The following MRPL45 variants were observed in gnomAD, a reference collection of about 807,000 sequenced individuals.
MRPL45 encodes mitochondrial ribosomal protein L45.
A neutral mutation model predicts 38.1 loss-of-function variants in MRPL45; 20 were observed. That is an observed-to-expected ratio of 0.53 (90% CI 0.37 to 0.76). The LOEUF (loss-of-function observed/expected upper bound fraction) is 0.76. MRPL45 is among the 30% of genes least tolerant of loss of function. The pLI is 0.00. For synonymous variants in MRPL45, 105 were observed against 128.8 expected, an observed-to-expected ratio of 0.82 and a Z score of 1.25; for missense variants, 337 against 395.6, an observed-to-expected ratio of 0.85 and a Z score of 1.26.
intron 5 of MRPL45, 87 bp downstream of exon 5, chr17:38,318,822 CTTTTCTTTTTTT>C (rs1274453656): frequency 0.029 from 15,835 of 554,652 alleles, no homozygotes; most frequent in South Asian, 0.039. Context: ...CTTTTCTTTT[CTTTTCTTTTTTT>C]TTTTTTTTTT....
intron 3 of MRPL45, among the ~76,000 whole-genome samples, chr17:38,303,290 A>ATTTTTTT (rs776250748): frequency 3.9e-5 from 4 of 103,430 alleles, no homozygotes; most frequent in African/African-American, 8.3e-5. Context: ...AAAACATTAA[A>ATTTTTTT]TTTTTTTTTT....
rs139796682 is a variant in MRPL45 at position 38,304,203 on chromosome 17, G to A, written c.363-2330G>A. On this transcript the variant is annotated intron_variant, in intron 3 of 7. Coordinates refer to ENST00000613675, the MANE Select transcript of MRPL45 (RefSeq NM_032351.6). The stretch of plus-strand genomic sequence containing the variant: ...TACTGCTCAAAGTCTGGGCATGGTG[G>A]GTCATGCCTGTAATCTCAACACTTT... Among the ~76,000 whole-genome samples the A allele has an allele frequency of 3.4e-3, 523 of 152,274 alleles. 3 individuals are homozygous for A. Among genetic ancestry groups the A allele is most frequent in the African/African-American group, 0.012 (489 of 41,546 alleles).
chr17:38,297,468 A>C (rs1406132890), intron 1 of MRPL45, among the ~76,000 whole-genome samples: 1 of 152,064 alleles, frequency 6.6e-6, no homozygotes, highest in Non-Finnish European at 1.5e-5. Context: ...AACGGATATT[A>C]AGTTTTTCCG....
intron 3 of MRPL45, among the ~76,000 whole-genome samples, chr17:38,301,713 C>G (rs945168559): frequency 1.3e-5 from 2 of 152,160 alleles, no homozygotes; most frequent in Non-Finnish European, 2.9e-5. Context: ...AAAGCACATA[C>G]GGTTTTACCA....
intron 3 of MRPL45, among the ~76,000 whole-genome samples, chr17:38,302,571 A>G (rs1014167632): frequency 7.3e-6 from 1 of 137,892 alleles, no homozygotes; most frequent in African/African-American, 2.7e-5. Flanking sequence ...ATAGCATTCT[A>G]GGGAAACAGA....
intron 4 of MRPL45, among the ~76,000 whole-genome samples, chr17:38,317,584 T>G (rs2037186936): frequency 6.6e-6 from 1 of 151,964 alleles, no homozygotes; most frequent in Non-Finnish European, 1.5e-5. Flanking sequence ...TGTTTTGTTT[T>G]TTTTTGAGAC....
chr17:38,300,356 T>G (rs185183341), intron 3 of MRPL45, among the ~76,000 whole-genome samples: 1 of 151,824 alleles, frequency 6.6e-6, no homozygotes, highest in Non-Finnish European at 1.5e-5. Context: ...TAGAGACGGG[T>G]TATCACTATG....
intron 6 of MRPL45, among the ~76,000 whole-genome samples, chr17:38,320,971 C>A (rs1297821267): frequency 2.1e-5 from 2 of 97,252 alleles, no homozygotes; most frequent in African/African-American, 5.1e-5. Context: ...CTCTCCCACT[C>A]TTCCTGATTT....
intron 3 of MRPL45, among the ~76,000 whole-genome samples, chr17:38,301,914 G>A (rs1198036895): frequency 6.6e-6 from 1 of 151,874 alleles, no homozygotes; most frequent in Non-Finnish European, 1.5e-5. Context: ...TCAGGAGATC[G>A]AGACCATCCT....
intron 4 of MRPL45, among the ~76,000 whole-genome samples, chr17:38,311,249 A>G (rs1317616934): frequency 1.3e-5 from 2 of 152,118 alleles, no homozygotes; most frequent in African/African-American, 2.4e-5. Context: ...TCCTGATGCT[A>G]TGGTCTGAAT....
intron 3 of MRPL45, among the ~76,000 whole-genome samples, chr17:38,304,946 A>G (rs2037036501): frequency 6.6e-6 from 1 of 151,464 alleles, no homozygotes; most frequent in Non-Finnish European, 1.5e-5. Flanking sequence ...TCCTGGGTTC[A>G]AGTGATTCTT....
In MRPL45 at chr17:38,317,819, C is replaced by T. The variant is rs963559755; in HGVS notation, c.462-868C>T. ...CGATCTCCTGACCTCATGATCCACCCGCCTCGGCCTCCCAAAATGCTGGGA... is the reference window on the plus strand; with the variant it reads ...CGATCTCCTGACCTCATGATCCACCTGCCTCGGCCTCCCAAAATGCTGGGA... On this transcript the variant is annotated intron_variant, in intron 4 of 7. Transcript: ENST00000613675. Among the ~76,000 whole-genome samples the T allele has an allele frequency of 5.9e-5, 9 of 151,936 alleles. No homozygotes were observed. The East Asian group carries it at 1.2e-3, about 20-fold the overall frequency.
intron 3 of MRPL45, among the ~76,000 whole-genome samples, chr17:38,303,603 A>G (rs927109061): frequency 6.6e-6 from 1 of 151,874 alleles, no homozygotes; most frequent in African/African-American, 2.4e-5. Flanking sequence ...AACATTAAAT[A>G]TTTTATTAAT....
rs754342790 is a variant in MRPL45 at position 38,320,652 on chromosome 17, G to A, written c.545G>A (p.Arg182His). 8 of 1,613,990 alleles carry A rather than the reference G, an allele frequency of 5.0e-6. No individual in the cohort carries two copies. Among genetic ancestry groups the A allele is most frequent in the African/African-American group, 2.7e-5 (2 of 74,898 alleles). ...TGGGACATCAAATATAAGACCGTCC[G>A]CTGGAGCTTTGTGGAATCTTTAGAG... ...MTWDIKYKTVRWSFVESLEPS... is the reference protein window; with the variant it reads ...MTWDIKYKTVHWSFVESLEPS... Residue 182 changes from arginine to histidine, a missense_variant, in exon 6 of 8, where the codon CGC (arginine) becomes CAC (histidine). Physicochemically the swap from Arg to His is conservative, Grantham distance 29 (BLOSUM62 0). Coordinates refer to ENST00000613675, the MANE Select transcript of MRPL45 (RefSeq NM_032351.6).
At chr17:38,305,621 G>A (rs1278011183) in intron 3 of MRPL45, among the ~76,000 whole-genome samples, 2 of 143,668 alleles carry the variant, frequency 1.4e-5, no homozygotes, top group Non-Finnish European at 3.0e-5. Flanking sequence ...AAGTAGCTGG[G>A]ATTACAGACA....
intron 5 of MRPL45, among the ~76,000 whole-genome samples, chr17:38,320,197 T>C (rs1292538734): frequency 2.0e-5 from 3 of 152,196 alleles, no homozygotes; most frequent in Admixed American, 6.5e-5. Context: ...TTAGCCCTTA[T>C]AGCCCTGTAA....
intron 2 of MRPL45, 118 bp from the exon 3 acceptor site, chr17:38,299,233 G>A: frequency 1.5e-6 from 1 of 647,628 alleles, no homozygotes; most frequent in South Asian, 2.1e-5. Flanking sequence ...CTACATGGAA[G>A]TCTGTTTCAT....
chr17:38,319,257 G>A (rs1054792928), intron 5 of MRPL45, among the ~76,000 whole-genome samples: 14 of 151,916 alleles, frequency 9.2e-5, no homozygotes, highest in Admixed American at 7.9e-4. Flanking sequence ...GGATGGTCTC[G>A]ATCTTCTGAC....
chr17:38,308,818 C>T (rs9303282), intron 4 of MRPL45, among the ~76,000 whole-genome samples: 130,597 of 152,008 alleles, frequency 0.86, 56,759 homozygotes, highest in South Asian at 0.93. Context: ...TCAGGTGATC[C>T]GCCCTCCTCA....
Sources: allele counts gnomAD v4.1 joint callset (sites outside exome capture counted in the v4.1 genomes callset), GRCh38; gene constraint gnomAD v4.1.1; transcripts MANE v1.5; gene names NCBI Gene and HGNC (gene_info 2026-07-23, HGNC 2026-07-21).